The following ZNF248 variants were observed in gnomAD, a reference collection of about 807,000 sequenced individuals.
ZNF248 encodes KRAB protein domain.
In ZNF248, 20 loss-of-function variants were observed where a neutral mutation model predicts 44.3. That is an observed-to-expected ratio of 0.45 (90% CI 0.32 to 0.66). The LOEUF (loss-of-function observed/expected upper bound fraction) is 0.66. ZNF248 is among the 30% of genes least tolerant of loss of function. ZNF248 has a pLI of 0.04. For missense variants in ZNF248, 654 were observed against 677.0 expected, an observed-to-expected ratio of 0.97 and a Z score of 0.38; for synonymous variants, 224 against 229.0, an observed-to-expected ratio of 0.98 and a Z score of 0.20.
downstream of ZNF248, among the ~76,000 whole-genome samples, chr10:37,774,549 C>A (rs1310175298): frequency 6.6e-6 from 1 of 152,086 alleles, no homozygotes; most frequent in Non-Finnish European, 1.5e-5. Context: ...TCCAGGAAGA[C>A]AAGAACATGA....
chr10:37,790,762 TA>T (rs1228135082), intron 6 of ZNF248, among the ~76,000 whole-genome samples: 1 of 145,824 alleles, frequency 6.9e-6, no homozygotes, highest in Non-Finnish European at 1.5e-5. Flanking sequence ...AAATAAAAAA[TA>T]AAAAAAGTTA....
downstream of ZNF248, among the ~76,000 whole-genome samples, chr10:37,772,265 GA>G (rs36082673): frequency 0.015 from 1,761 of 119,430 alleles, 16 homozygotes; most frequent in African/African-American, 0.038. Context: ...ACTGTCTCAA[GA>G]AAAAAAAAAA....
intron 5 of ZNF248, among the ~76,000 whole-genome samples, chr10:37,837,404 C>T (rs1483443263): frequency 1.3e-5 from 2 of 152,158 alleles, no homozygotes; most frequent in African/African-American, 4.8e-5. Context: ...TGAGCCACCG[C>T]ACCCAGCCAA....
intron 6 of ZNF248, among the ~76,000 whole-genome samples, chr10:37,817,656 A>G (rs1346879015): frequency 1.3e-5 from 2 of 152,160 alleles, no homozygotes; most frequent in Non-Finnish European, 2.9e-5. Context: ...TTTACAACCA[A>G]ATGAATTCTT....
chr10:37,855,591 C>T (rs1354783237), intron 3 of ZNF248, among the ~76,000 whole-genome samples: 1 of 152,150 alleles, frequency 6.6e-6, no homozygotes, highest in Non-Finnish European at 1.5e-5. Context: ...GAAAGGACAG[C>T]TCAGAGGGTG....
downstream of ZNF248, among the ~76,000 whole-genome samples, chr10:37,824,185 C>G (rs1033778996): frequency 6.6e-6 from 1 of 152,072 alleles, no homozygotes; most frequent in Non-Finnish European, 1.5e-5. Context: ...TCAATTGAGT[C>G]TAAAGGCAGG....
chr10:37,789,276 A>G (rs1454560852), intron 6 of ZNF248, among the ~76,000 whole-genome samples: 1 of 149,046 alleles, frequency 6.7e-6, no homozygotes, highest in Non-Finnish European at 1.5e-5. Flanking sequence ...ATGTTAAGTT[A>G]CATAAATTAT....
intron 3 of ZNF248, among the ~76,000 whole-genome samples, chr10:37,854,668 G>A (rs889635793): frequency 6.6e-6 from 1 of 152,196 alleles, no homozygotes; most frequent in Non-Finnish European, 1.5e-5. Flanking sequence ...TTCCCACTAA[G>A]CTGATCAAGT....
chr10:37,847,884 G>T (rs1263922123), intron 3 of ZNF248, among the ~76,000 whole-genome samples: 2 of 152,130 alleles, frequency 1.3e-5, no homozygotes, highest in Non-Finnish European at 2.9e-5. Flanking sequence ...GTGTAAGTTT[G>T]CAATTTTCCA....
chr10:37,843,286 G>A (rs1050638307), intron 3 of ZNF248, among the ~76,000 whole-genome samples: 5 of 151,944 alleles, frequency 3.3e-5, no homozygotes, highest in Non-Finnish European at 7.4e-5. Context: ...TTAGCTGGGC[G>A]TGGTGGCGCA....
downstream of ZNF248, among the ~76,000 whole-genome samples, chr10:37,825,249 G>A (rs1055874132): frequency 6.6e-6 from 1 of 152,084 alleles, no homozygotes; most frequent in African/African-American, 2.4e-5. Context: ...CAATTAAAGT[G>A]AGCCTAGTGA....
At chr10:37,788,277 A>AAG in intron 6 of ZNF248, among the ~76,000 whole-genome samples, 1 of 151,220 alleles carries the variant, frequency 6.6e-6, no homozygotes, top group East Asian at 1.9e-4. Context: ...AAAAAAAAAA[A>AAG]AAAAGAAAAC....
chr10:37,829,613 G>A lies in ZNF248; in HGVS notation c.*2002C>T. ...AGTCCCAGTAGAGAACAGGTATAGA[G>A]AGCAGAGTAGCTCGGCAACGTCACC... is the stretch of plus-strand genomic sequence containing the variant. On this transcript the variant is annotated 3_prime_UTR_variant, in exon 6 of 6. Transcript: ENST00000395867. The A allele has an allele frequency of 1.0e-6, 1 of 985,444 alleles. No homozygotes were observed. The allele number at this position is 985,444 out of a possible 1,614,324, so 61.0% of individuals were successfully genotyped here.
rs762802171 is a variant in ZNF248 at position 37,832,411 on chromosome 10, T to C, written c.944A>G (p.His315Arg). ...AATCTTTCTTGTGTAAGCTCCCTGA[T>C]GGATAATGAAAGCTGAATTGTCACA... ...IFCDNSAFII[H>R]QGAYTRKILR... Residue 315 changes from histidine (H) to arginine (R), a missense_variant, in exon 6 of 6, where the codon CAT becomes CGT. By Grantham distance (29) the His-to-Arg change is conservative. Transcript: ENST00000395867. 3.1e-6 allele frequency: 5 copies of C among 1,613,906 alleles called. No individual in the cohort carries two copies. In the South Asian group the frequency reaches 3.3e-5, roughly 11 times the overall value.
the ZNF248 span, among the ~76,000 whole-genome samples, chr10:37,770,255 C>T: frequency 1.3e-5 from 2 of 152,164 alleles, no homozygotes; most frequent in Admixed American, 1.3e-4. Flanking sequence ...ACTTTCTTCA[C>T]AGAATTGGAA....
In ZNF248 at chr10:37,832,128, T is replaced by G. The variant is rs753623089; in HGVS notation, c.1227A>C (p.Glu409Asp). Residue 409 changes from glutamate to aspartate, a missense_variant, in exon 6 of 6, where the codon GAA (glutamate) becomes GAC (aspartate). Coordinates refer to ENST00000395867, the MANE Select transcript of ZNF248 (RefSeq NM_021045.3). ...AAAAGGCTTTCCCACATTCAGTACA[T>G]TCATAGGGCTTCTCTCCTGTGTGTG... is the stretch of plus-strand genomic sequence containing the variant. ...QRTHTGEKPY[E>D]CTECGKAFCQ... is the part of the protein sequence containing the mutation. 1.2e-6 allele frequency: 2 copies of G among 1,614,000 alleles called. No individual in the cohort carries two copies. The highest frequency in any genetic ancestry group is 1.7e-6 in the Non-Finnish European group (2 of 1,179,924).
chr10:37,814,628 T>A (rs2052125435), intron 6 of ZNF248, among the ~76,000 whole-genome samples: 1 of 152,250 alleles, frequency 6.6e-6, no homozygotes. Context: ...TCAGCCTCAC[T>A]TTTGACAGAA....
the ZNF248 span, among the ~76,000 whole-genome samples, chr10:37,768,809 T>G: frequency 3.3e-5 from 5 of 152,156 alleles, no homozygotes; most frequent in African/African-American, 1.2e-4. Flanking sequence ...TAAAAAACCC[T>G]TCAAAAAACT....
chr10:37,783,005 C>T (rs1452508030), intron 6 of ZNF248, among the ~76,000 whole-genome samples: 3 of 152,072 alleles, frequency 2.0e-5, no homozygotes, highest in Non-Finnish European at 4.4e-5. Context: ...CTGGAAGGCC[C>T]TAGCAAATAG....
Sources: gnomAD v4.1 joint callset for allele counts (sites outside exome capture counted in the v4.1 genomes callset) on GRCh38, gnomAD v4.1.1 for gene constraint, MANE v1.5 for transcripts, NCBI Gene and HGNC (gene_info 2026-07-23, HGNC 2026-07-21) for gene names.